NRXN1: variants seen among roughly 807,000 people sequenced by gnomAD.
NRXN1 encodes neurexin 1.
A neutral mutation model predicts 150.9 loss-of-function variants in NRXN1; 39 were observed. That is an observed-to-expected ratio of 0.26 (90% CI 0.20 to 0.34). NRXN1 has a LOEUF of 0.34. Ranked by LOEUF, NRXN1 falls within the 10% of genes least tolerant of loss-of-function variation. NRXN1 has a pLI of 1.00. For synonymous variants in NRXN1, 924 were observed against 757.0 expected (o/e 1.22, Z -3.62); for missense variants, 1,815 against 1,949.9 (o/e 0.93, Z 1.30).
chr2:50,184,933 G>A (rs900156013), intron 18 of NRXN1, among the ~76,000 whole-genome samples: 7 of 152,076 alleles, frequency 4.6e-5, no homozygotes, highest in Non-Finnish European at 1.0e-4. Context: ...TTGAATTAAG[G>A]AAGTCTGGTT....
At chr2:50,891,042 G>T (rs1263318366) in intron 5 of NRXN1, among the ~76,000 whole-genome samples, 1 of 151,794 alleles carries the variant, frequency 6.6e-6, no homozygotes. Context: ...ACTACTTAGG[G>T]GCTTAGATTT....
At chr2:50,278,255 T>TATTATATATATATATAATATATA (rs1491158433) in intron 17 of NRXN1, among the ~76,000 whole-genome samples, 1 of 112,572 alleles carries the variant, frequency 8.9e-6, no homozygotes, top group African/African-American at 3.6e-5. Context: ...TATATATATA[T>TATTATATATATATATAATATATA]TATATATATT....
intron 8 of NRXN1, among the ~76,000 whole-genome samples, chr2:50,599,085 C>G (rs943401561): frequency 6.6e-6 from 1 of 152,008 alleles, no homozygotes; most frequent in Non-Finnish European, 1.5e-5. Flanking sequence ...TCTCCTATTT[C>G]TTTTAAAGAT....
chr2:50,856,468 T>C (rs1675288772), intron 5 of NRXN1, among the ~76,000 whole-genome samples: 2 of 151,944 alleles, frequency 1.3e-5, no homozygotes, highest in Admixed American at 6.6e-5. Flanking sequence ...TTTCATTTAG[T>C]GTATTCTATC....
intron 5 of NRXN1, among the ~76,000 whole-genome samples, chr2:50,641,484 C>G (rs896669094): frequency 3.3e-5 from 5 of 151,914 alleles, no homozygotes; most frequent in Admixed American, 1.3e-4. Flanking sequence ...AGGAAGGCAC[C>G]GAAGAAGCCC....
At chr2:50,833,300 A>C (rs1671661293) in intron 5 of NRXN1, among the ~76,000 whole-genome samples, 1 of 152,196 alleles carries the variant, frequency 6.6e-6, no homozygotes, top group Non-Finnish European at 1.5e-5. Context: ...ATATATACTT[A>C]CCATATGTCC....
chr2:50,892,704 T>C (rs1681258382), intron 5 of NRXN1, among the ~76,000 whole-genome samples: 1 of 152,176 alleles, frequency 6.6e-6, no homozygotes, highest in Non-Finnish European at 1.5e-5. Flanking sequence ...ATATAAACAT[T>C]CTTTACTTTA....
In NRXN1 at chr2:49,918,624, A is replaced by C. The variant is rs1667703716; in HGVS notation, c.*3320T>G. 2 of 152,202 alleles carry C rather than the reference A, an allele frequency of 1.3e-5. No homozygotes were observed. Among genetic ancestry groups the C allele is most frequent in the Middle Eastern group, 3.4e-3 (1 of 294 alleles). The allele number at this position is 152,202 out of a possible 1,614,324, so 9.4% of individuals were successfully genotyped here. On this transcript the variant is annotated 3_prime_UTR_variant, in exon 23 of 23. Transcript: ENST00000401669. ...TATTGTTTGCAACTAATACTGTATG[A>C]GTTTATGGTTTCTGGCATATCAAGA...
At position 50,352,773 on chromosome 2, in the gene NRXN1, TA is replaced by T. The variant is rs1420022125; in HGVS notation, c.3364+112668del. Among the ~76,000 whole-genome samples the T allele has an allele frequency of 8.3e-3, 897 of 107,516 alleles. 9 individuals are homozygous for T. The highest frequency in any genetic ancestry group is 0.029 in the African/African-American group (821 of 28,598). The allele number at this position is 107,516 out of a possible 152,430, so 70.5% of individuals were successfully genotyped here. On this transcript the variant is annotated intron_variant, in intron 17 of 22. Transcript: ENST00000401669. ...GCATTGATAATAATAATAATAATAA[TA>T]ATATTATAATAATAATAATAATAAT...
chr2:50,529,767 G>C (rs2093050655), intron 11 of NRXN1, among the ~76,000 whole-genome samples: 1 of 152,120 alleles, frequency 6.6e-6, no homozygotes, highest in Admixed American at 6.6e-5. Flanking sequence ...ATGCAATTAG[G>C]CGATTTGTTT....
chr2:50,894,329 CA>C (rs201262840), intron 5 of NRXN1, among the ~76,000 whole-genome samples: 284 of 136,446 alleles, frequency 2.1e-3, no homozygotes, highest in East Asian at 0.015. Flanking sequence ...AAAATAAAAC[CA>C]AAAAAAAAAA....
chr2:50,771,042 A>G (rs1429276235), intron 5 of NRXN1, among the ~76,000 whole-genome samples: 1 of 152,058 alleles, frequency 6.6e-6, no homozygotes, highest in Non-Finnish European at 1.5e-5. Context: ...TCTCTGCTGA[A>G]CTGAACCAGG....
intron 2 of NRXN1, among the ~76,000 whole-genome samples, chr2:50,933,170 T>C (rs548039898): frequency 6.6e-6 from 1 of 152,252 alleles, no homozygotes; most frequent in South Asian, 2.1e-4. Flanking sequence ...AAGAAAGAAT[T>C]ATTCCATAAA....
intron 2 of NRXN1, among the ~76,000 whole-genome samples, chr2:50,954,192 A>G (rs1222738461): frequency 6.6e-6 from 1 of 152,150 alleles, no homozygotes; most frequent in African/African-American, 2.4e-5. Context: ...TATTTTCATT[A>G]TATCTTGTTT....
chr2:50,280,191 T>C (rs1233914454), intron 17 of NRXN1, among the ~76,000 whole-genome samples: 3 of 147,718 alleles, frequency 2.0e-5, no homozygotes, highest in Non-Finnish European at 4.4e-5. Context: ...GGCAGGAGAA[T>C]GGCGTGAACA....
At chr2:49,953,428 G>A (rs993964900) in intron 21 of NRXN1, among the ~76,000 whole-genome samples, 1 of 152,022 alleles carries the variant, frequency 6.6e-6, no homozygotes, top group Non-Finnish European at 1.5e-5. Flanking sequence ...AGTTAAACTG[G>A]AACTCCAAGC....
chr2:50,176,529 C>A (rs1396405685), intron 18 of NRXN1, among the ~76,000 whole-genome samples: 1 of 152,078 alleles, frequency 6.6e-6, no homozygotes, highest in Non-Finnish European at 1.5e-5. Flanking sequence ...TGTCTTCAGA[C>A]ATTGTCAAAT....
intron 17 of NRXN1, 134 bp from the exon 18 acceptor site, chr2:50,237,104 A>G (rs1293253197): frequency 9.8e-6 from 9 of 919,888 alleles, no homozygotes; most frequent in African/African-American, 1.6e-5. Context: ...ATAGATTTCA[A>G]TCAAATGTGC....
At chr2:50,769,507 G>A (rs748790088) in intron 5 of NRXN1, among the ~76,000 whole-genome samples, 1 of 152,162 alleles carries the variant, frequency 6.6e-6, no homozygotes, top group East Asian at 1.9e-4. Context: ...AAAGAGATGG[G>A]AGCGAGAAAT....
Sources: allele counts gnomAD v4.1 joint callset (sites outside exome capture counted in the v4.1 genomes callset), GRCh38; gene constraint gnomAD v4.1.1; transcripts MANE v1.5; gene names NCBI Gene and HGNC (gene_info 2026-07-23, HGNC 2026-07-21).